Variants in AFDN observed in about 807,000 individuals in gnomAD.
The protein encoded by AFDN is afadin.
AFDN carries 68 observed loss-of-function variants against 216.6 expected under a neutral mutation model. The observed-to-expected ratio is 0.31, with a 90% CI of 0.26 to 0.38. AFDN has a LOEUF of 0.38. Among genes scored for constraint, AFDN ranks in the 10% least tolerant of loss-of-function variants. AFDN has a pLI of 1.00. For synonymous variants in AFDN, 868 were observed against 853.7 expected (o/e 1.02, Z -0.29); for missense variants, 2,136 against 2,342.0 (o/e 0.91, Z 1.82).
At chr6:167,869,958 T>C (rs1784613860) in intron 2 of AFDN, among the ~76,000 whole-genome samples, 1 of 152,150 alleles carries the variant, frequency 6.6e-6, no homozygotes, top group Non-Finnish European at 1.5e-5. Context: ...TCGCTTTGTG[T>C]GGGGTATAAC....
chr6:167,853,064 A>G (rs1440001085), intron 1 of AFDN, among the ~76,000 whole-genome samples: 1 of 152,058 alleles, frequency 6.6e-6, no homozygotes, highest in African/African-American at 2.4e-5. Flanking sequence ...TAAGTGCTAG[A>G]GATGTTCATT....
At chr6:167,867,711 G>A (rs1300918004) in intron 2 of AFDN, among the ~76,000 whole-genome samples, 2 of 152,096 alleles carry the variant, frequency 1.3e-5, no homozygotes, top group Non-Finnish European at 2.9e-5. Context: ...GATTACAGGC[G>A]TGAGCCACCG....
At chr6:167,921,667 G>A (rs578087966) in intron 21 of AFDN, among the ~76,000 whole-genome samples, 1 of 151,888 alleles carries the variant, frequency 6.6e-6, no homozygotes, top group South Asian at 2.1e-4. Context: ...TGGAAATGCG[G>A]CCCTTGAAAA....
chr6:167,832,400 G>A (rs1779928844), intron 1 of AFDN, among the ~76,000 whole-genome samples: 1 of 152,192 alleles, frequency 6.6e-6, no homozygotes, highest in Non-Finnish European at 1.5e-5. Context: ...CTCGTTGTGT[G>A]TAACTGGGCT....
intron 32 of AFDN, 59 bp downstream of exon 32, chr6:167,966,104 T>A: frequency 2.0e-6 from 3 of 1,536,384 alleles, no homozygotes; most frequent in Non-Finnish European, 2.6e-6. Context: ...CTGCCCCTCT[T>A]AAACCACGGC....
intron 31 of AFDN, chr6:167,964,175 G>C (rs1797306458): frequency 4.7e-6 from 5 of 1,063,664 alleles, no homozygotes; most frequent in Non-Finnish European, 5.7e-6. Flanking sequence ...TAATTAAGTG[G>C]TCACTGTAAA....
intron 5 of AFDN, among the ~76,000 whole-genome samples, chr6:167,877,084 C>T (rs1216459608): frequency 6.6e-6 from 1 of 152,134 alleles, no homozygotes; most frequent in African/African-American, 2.4e-5. Flanking sequence ...TGAGCTCTGT[C>T]ATTGACAGTG....
At chr6:167,878,149 C>T (rs570922074) in intron 5 of AFDN, among the ~76,000 whole-genome samples, 25 of 151,848 alleles carry the variant, frequency 1.6e-4, no homozygotes, top group South Asian at 1.5e-3. Flanking sequence ...TTTTTTAGCG[C>T]GCAGTCTTGT....
At chr6:167,959,470 T>C (rs1238786152) in intron 30 of AFDN, among the ~76,000 whole-genome samples, 1 of 152,232 alleles carries the variant, frequency 6.6e-6, no homozygotes, top group Non-Finnish European at 1.5e-5. Context: ...TAATAAATGA[T>C]CAGGTGTTTT....
intron 32 of AFDN, 35 bp downstream of exon 32, chr6:167,966,080 T>C (rs1797525778): frequency 1.3e-6 from 2 of 1,538,438 alleles, no homozygotes; most frequent in Non-Finnish European, 1.7e-6. Context: ...GAAAGTCTCA[T>C]GGGGACCTTC....
At chr6:167,846,762 G>T (rs1781738281) in intron 1 of AFDN, among the ~76,000 whole-genome samples, 1 of 140,556 alleles carries the variant, frequency 7.1e-6, no homozygotes, top group Non-Finnish European at 1.5e-5. Flanking sequence ...TATGAGATTT[G>T]GGGGAGGAGT....
chr6:167,911,263 G>A (rs543873227), intron 14 of AFDN, 21 bp from the exon 15 acceptor site: 1 of 1,604,802 alleles, frequency 6.2e-7, no homozygotes, highest in Non-Finnish European at 8.5e-7. Context: ...TTTTTTCTTT[G>A]TTTTTGAAAT....
At chr6:167,961,019 A>G (rs1399811725) in intron 30 of AFDN, among the ~76,000 whole-genome samples, 1 of 152,178 alleles carries the variant, frequency 6.6e-6, no homozygotes, top group Non-Finnish European at 1.5e-5. Flanking sequence ...CTCACCAGAT[A>G]CAGTGTTTTC....
At chr6:167,868,229 G>A (rs188475487) in intron 2 of AFDN, among the ~76,000 whole-genome samples, 1 of 152,126 alleles carries the variant, frequency 6.6e-6, no homozygotes, top group African/African-American at 2.4e-5. Flanking sequence ...TCTGTAAAAG[G>A]CCCCTTAGAA....
intron 12 of AFDN, among the ~76,000 whole-genome samples, chr6:167,904,245 C>G (rs1789358211): frequency 6.6e-6 from 1 of 151,780 alleles, no homozygotes. Context: ...AGTCTGCTCT[C>G]TCTCCCAGTT....
intron 31 of AFDN, 83 bp from the exon 32 acceptor site, chr6:167,965,674 G>T: frequency 7.8e-7 from 1 of 1,288,414 alleles, no homozygotes; most frequent in Non-Finnish European, 1.0e-6. Flanking sequence ...TGATGATGAG[G>T]ATTGTTCCCT....
chr6:167,913,340 A>G lies in AFDN; in HGVS notation c.2038-63A>G, dbSNP rs562522723. ...AGTGTTTTGATTTTTTTAAACTATC[A>G]TGATTGTTTACAAGTTTCTTTCTCT... On this transcript the variant is annotated intron_variant, in intron 15 of 33. Transcript: ENST00000683244. 6.1e-6 allele frequency: 9 copies of G among 1,484,908 alleles called. No individual in the cohort carries two copies. The South Asian group carries it at 8.4e-5, about 14-fold the overall frequency. The allele number at this position is 1,484,908 out of a possible 1,614,324, so 92.0% of individuals were successfully genotyped here. A position where few individuals can be genotyped will look rare whatever the true frequency, so the allele number is the denominator to read the frequency against.
intron 23 of AFDN, among the ~76,000 whole-genome samples, chr6:167,933,132 G>A (rs1038972469): frequency 1.4e-4 from 21 of 152,166 alleles, no homozygotes; most frequent in African/African-American, 4.8e-4. Context: ...CCCATTAGGT[G>A]GTTTTAACTA....
At chr6:167,887,012 CA>C (rs67970460) in intron 6 of AFDN, among the ~76,000 whole-genome samples, 69,308 of 90,546 alleles carry the variant, frequency 0.77, 25,439 homozygotes, top group Middle Eastern at 0.83. Context: ...GAGACTGTAT[CA>C]AAAAAAAAAA....
Sources: allele counts gnomAD v4.1 joint callset (sites outside exome capture counted in the v4.1 genomes callset), GRCh38; gene constraint gnomAD v4.1.1; transcripts MANE v1.5; gene names NCBI Gene and HGNC (gene_info 2026-07-23, HGNC 2026-07-21).